Variants in SYNPO observed in about 807,000 individuals in gnomAD.
The protein encoded by SYNPO is synaptopodin.
A neutral mutation model predicts 49.5 loss-of-function variants in SYNPO; 19 were observed. The observed-to-expected ratio is 0.38, with a 90% CI of 0.27 to 0.56. The LOEUF (loss-of-function observed/expected upper bound fraction) is 0.56, where lower values mean the gene tolerates loss of function less well. Ranked by LOEUF, SYNPO falls within the 20% of genes least tolerant of loss-of-function variation. The pLI is 0.68. For missense variants in SYNPO, 1,131 were observed against 1,248.3 expected (o/e 0.91, Z 1.42); for synonymous variants, 536 against 548.0 (o/e 0.98, Z 0.31).
chr5:150,605,152 C>T (rs573556563), intron 1 of SYNPO, among the ~76,000 whole-genome samples: 1 of 152,192 alleles, frequency 6.6e-6, no homozygotes, highest in African/African-American at 2.4e-5. Flanking sequence ...CAAATTGCTC[C>T]CCTCTGATAG....
intron 2 of SYNPO, among the ~76,000 whole-genome samples, chr5:150,624,530 G>A (rs1422748990): frequency 6.6e-6 from 1 of 152,024 alleles, no homozygotes; most frequent in Middle Eastern, 3.2e-3. Context: ...AGCAGAGAGT[G>A]AGGCACAGCG....
At position 150,650,181 on chromosome 5, in the gene SYNPO, G is replaced by A; in HGVS notation, c.1906G>A (p.Ala636Thr). Reference protein sequence around the residue: ...SPGQDSLQPTAVSPPYGGDIS... With the variant: ...SPGQDSLQPTTVSPPYGGDIS... Reference sequence around the variant, plus strand: ...CGGCCAGGACAGCCTGCAGCCCACTGCCGTGAGCCCTCCTTACGGCGGTGA... The same window carrying A: ...CGGCCAGGACAGCCTGCAGCCCACTACCGTGAGCCCTCCTTACGGCGGTGA... The change falls in exon 2 of 3, where the codon GCC becomes ACC. Residue 636 changes from alanine to threonine, a missense_variant. Coordinates refer to ENST00000307662, the MANE Select transcript of SYNPO (RefSeq NM_007286.6). The A allele has an allele frequency of 6.2e-7, 1 of 1,613,968 alleles. No individual in the cohort carries two copies. The highest frequency in any genetic ancestry group is 8.5e-7 in the Non-Finnish European group (1 of 1,180,004).
intron 2 of SYNPO, among the ~76,000 whole-genome samples, chr5:150,619,471 C>T (rs933993654): frequency 2.0e-5 from 3 of 152,252 alleles, no homozygotes; most frequent in Admixed American, 2.0e-4. Flanking sequence ...GCACAGTGTG[C>T]GCGGCACGGA....
chr5:150,613,273 C>G (rs1164808426), intron 1 of SYNPO, among the ~76,000 whole-genome samples: 2 of 152,084 alleles, frequency 1.3e-5, no homozygotes, highest in Non-Finnish European at 1.5e-5. Flanking sequence ...GGCTGCCCAC[C>G]CCCCTACTTT....
At chr5:150,618,626 C>A in exon 2 of SYNPO, 1 of 1,551,456 alleles carries the variant, frequency 6.4e-7, no homozygotes, top group Non-Finnish European at 8.7e-7. Context: ...GGGCATCCAA[C>A]CACCCAGCTG....
In SYNPO at chr5:150,656,704, G is replaced by T; in HGVS notation, c.2329G>T (p.Ala777Ser). The change falls in exon 3 of 3, where the codon GCC (alanine) becomes TCC (serine). Residue 777 changes from alanine to serine, a missense_variant. Ala to Ser is a moderately conservative substitution (Grantham distance 99). Coordinates refer to ENST00000307662, the MANE Select transcript of SYNPO (RefSeq NM_007286.6). ...RKSASPRSAG[A>S]ENPRPFSPPR... is the part of the protein sequence containing the mutation. Reference sequence around the variant, plus strand: ...GAGCGCCTCCCCGCGGTCGGCGGGCGCCGAGAACCCGCGGCCCTTCTCCCC... The same window carrying T: ...GAGCGCCTCCCCGCGGTCGGCGGGCTCCGAGAACCCGCGGCCCTTCTCCCC... 1.4e-6 allele frequency: 2 copies of T among 1,449,486 alleles called. No homozygotes were observed. The highest frequency in any genetic ancestry group is 1.8e-6 in the Non-Finnish European group (2 of 1,104,390). The allele number at this position is 1,449,486 out of a possible 1,614,324, so 89.8% of individuals were successfully genotyped here.
intron 2 of SYNPO, chr5:150,653,888 C>T (rs1758473457): frequency 6.6e-6 from 1 of 152,182 alleles, no homozygotes. Context: ...GCATTAGTAT[C>T]CCATGAAAAA....
chr5:150,641,825 T>C (rs1757920698), intron 1 of SYNPO, among the ~76,000 whole-genome samples: 1 of 152,214 alleles, frequency 6.6e-6, no homozygotes, highest in Admixed American at 6.5e-5. Flanking sequence ...AGCTGGGTTT[T>C]CAGGGGAGAA....
At chr5:150,651,166 G>C in intron 2 of SYNPO, 1 of 1,030,636 alleles carries the variant, frequency 9.7e-7, no homozygotes, top group African/African-American at 1.7e-5. Flanking sequence ...TGTGCCACAG[G>C]GAGGGTGGCC....
Position 150,648,463 on chromosome 5 carries a change from A to G in SYNPO, c.188A>G (p.His63Arg), listed in dbSNP as rs1758195958. Residue 63 changes from histidine (H) to arginine (R), a missense_variant, in exon 2 of 3, where the codon CAC (histidine) becomes CGC (arginine). His to Arg is a conservative substitution (Grantham distance 29). Around this residue, in one of 4 missense-constraint regions of SYNPO, gnomAD observed 602 missense variants for 720.7 expected, o/e 0.84. Transcript: ENST00000307662. The surrounding 1 kb of genome is among the most constrained non-coding windows in gnomAD (Gnocchi z 5.0). ...CCGGCCCCACCTCCAGCTGAGGTCC[A>G]CAGCCCAGCTGCAGATGTCAACCAA... ...SSPAPPPAEV[H>R]SPAADVNQNL... The G allele has an allele frequency of 1.2e-6, 2 of 1,614,014 alleles. No individual in the cohort carries two copies. Among genetic ancestry groups the G allele is most frequent in the African/African-American group, 2.7e-5 (2 of 74,890 alleles).
At chr5:150,603,944 G>C (rs1158421888) in intron 1 of SYNPO, among the ~76,000 whole-genome samples, 1 of 152,228 alleles carries the variant, frequency 6.6e-6, no homozygotes, top group South Asian at 2.1e-4. Flanking sequence ...TTCCTAGGGG[G>C]AAGAACCTTG....
At position 150,649,791 on chromosome 5, in the gene SYNPO, G is replaced by A. The variant is rs1481524056; in HGVS notation, c.1516G>A (p.Ala506Thr). 2 of 1,611,760 alleles carry A rather than the reference G, an allele frequency of 1.2e-6. No homozygotes were observed. The highest frequency in any genetic ancestry group is 8.5e-7 in the Non-Finnish European group (1 of 1,180,016). Residue 506 changes from alanine (A) to threonine (T), a missense_variant, in exon 2 of 3, where the codon GCC becomes ACC. Ala to Thr is a moderately conservative substitution (Grantham distance 58, BLOSUM62 0). Coordinates refer to ENST00000307662, the MANE Select transcript of SYNPO (RefSeq NM_007286.6). ...IESSSHTPELARCPSPTMSLP... is the reference protein window; with the variant it reads ...IESSSHTPELTRCPSPTMSLP... ...GTCTTCAAGCCACACGCCAGAGCTG[G>A]CCCGCTGCCCATCACCTACCATGTC...
chr5:150,655,309 G>T (rs1212538892), intron 2 of SYNPO, among the ~76,000 whole-genome samples: 1 of 152,226 alleles, frequency 6.6e-6, no homozygotes, highest in Non-Finnish European at 1.5e-5. Context: ...GTTGCTGACT[G>T]GCTTGGGTCA....
Position 150,656,621 on chromosome 5 carries a change from C to A in SYNPO, c.2246C>A (p.Pro749His). The A allele has an allele frequency of 6.6e-7, 1 of 1,511,826 alleles. No individual in the cohort carries two copies. The highest frequency in any genetic ancestry group is 1.2e-5 in the South Asian group (1 of 81,490). 93.7% of individuals were successfully genotyped at this position (1,511,826 alleles called of 1,614,324 possible). A position where few individuals can be genotyped will look rare whatever the true frequency, so the allele number is the denominator to read the frequency against. The change falls in exon 3 of 3, where the codon CCC (proline) becomes CAC (histidine). Residue 749 changes from proline to histidine, a missense_variant. Around this residue, in one of 4 missense-constraint regions of SYNPO, gnomAD observed 509 missense variants for 484.5 expected, o/e 1.05. Transcript: ENST00000307662. Reference sequence around the variant, plus strand: ...CGACCTGAGACCGAGGCGCGGCCCCCCAGCCGCCAGCTGCAGGCGCTTCTG... The same window carrying A: ...CGACCTGAGACCGAGGCGCGGCCCCACAGCCGCCAGCTGCAGGCGCTTCTG... ...PLRPETEARPPSRQLQALLAR... is the reference protein window; with the variant it reads ...PLRPETEARPHSRQLQALLAR...
At chr5:150,596,584 A>G (rs1273860996), upstream of SYNPO, among the ~76,000 whole-genome samples, 1 of 151,980 alleles carries the variant, frequency 6.6e-6, no homozygotes, top group Admixed American at 6.6e-5. Flanking sequence ...CAACTCAATT[A>G]CCAGTGATCT....
At chr5:150,644,967 C>T (rs1033626276) in intron 1 of SYNPO, among the ~76,000 whole-genome samples, 1 of 152,116 alleles carries the variant, frequency 6.6e-6, no homozygotes, top group Non-Finnish European at 1.5e-5. Flanking sequence ...AAACCAGGTT[C>T]GATGGAGGAG....
At chr5:150,586,806 G>A in the SYNPO span, among the ~76,000 whole-genome samples, 1 of 152,234 alleles carries the variant, frequency 6.6e-6, no homozygotes, top group Non-Finnish European at 1.5e-5. Context: ...GGATGCTTGA[G>A]TGGATGTGGA....
intron 1 of SYNPO, among the ~76,000 whole-genome samples, chr5:150,645,076 C>A (rs972616812): frequency 6.6e-6 from 1 of 152,158 alleles, no homozygotes; most frequent in Non-Finnish European, 1.5e-5. Flanking sequence ...GGCCTCCCTG[C>A]GGGTCCCATG....
chr5:150,649,886 C>A lies in SYNPO; in HGVS notation c.1611C>A (p.Ala537=). Residue 537 remains alanine (A), a synonymous_variant, in exon 2 of 3, where the codon GCC becomes GCA. Coordinates refer to ENST00000307662, the MANE Select transcript of SYNPO (RefSeq NM_007286.6). ...GAFRVASRSP[A]RTPPASLYHG... ...TCCGAGTGGCATCCCGAAGCCCAGC[C>A]CGGACCCCGCCTGCCTCCCTCTACC... is the stretch of plus-strand genomic sequence containing the variant. The A allele has an allele frequency of 6.2e-7, 1 of 1,610,144 alleles. No homozygotes were observed. The highest frequency in any genetic ancestry group is 8.5e-7 in the Non-Finnish European group (1 of 1,179,978).
Sources: allele counts gnomAD v4.1 joint callset (sites outside exome capture counted in the v4.1 genomes callset), GRCh38; gene constraint gnomAD v4.1.1; regional missense constraint gnomAD v4.1.1; non-coding constraint Gnocchi (gnomAD v3.1); transcripts MANE v1.5; gene names NCBI Gene and HGNC (gene_info 2026-07-23, HGNC 2026-07-21).